Variants in OPCML observed in about 807,000 individuals in gnomAD.
OPCML encodes the protein opioid binding protein/cell adhesion molecule like.
In OPCML, 13 loss-of-function variants were observed where a neutral mutation model predicts 37.8. The observed-to-expected ratio is 0.34, with a 90% CI of 0.22 to 0.55. The LOEUF (loss-of-function observed/expected upper bound fraction) is 0.55. Among genes scored for constraint, OPCML ranks in the 20% least tolerant of loss-of-function variants. The pLI is 0.91. For synonymous variants in OPCML, 176 were observed against 168.8 expected, an observed-to-expected ratio of 1.04 and a Z score of -0.33; for missense variants, 341 against 435.6, an observed-to-expected ratio of 0.78 and a Z score of 1.93.
intron 4 of OPCML, among the ~76,000 whole-genome samples, chr11:132,488,167 C>T (rs1280858770): frequency 6.6e-6 from 1 of 152,218 alleles, no homozygotes; most frequent in Non-Finnish European, 1.5e-5. Context: ...AACACCTACC[C>T]TTCTAAGAGG....
chr11:132,570,415 A>C (rs1048997684), intron 3 of OPCML, among the ~76,000 whole-genome samples: 1 of 152,094 alleles, frequency 6.6e-6, no homozygotes, highest in African/African-American at 2.4e-5. Context: ...TTGTGAGGAC[A>C]TGAGGGTTTA....
intron 1 of OPCML, among the ~76,000 whole-genome samples, chr11:133,143,457 T>C (rs921205704): frequency 1.3e-5 from 2 of 152,136 alleles, no homozygotes; most frequent in Non-Finnish European, 2.9e-5. Flanking sequence ...ATGAAAGAAG[T>C]CTGGGTCCCA....
intron 1 of OPCML, among the ~76,000 whole-genome samples, chr11:132,948,755 T>C (rs1025166972): frequency 8.5e-5 from 13 of 152,142 alleles, no homozygotes; most frequent in African/African-American, 3.1e-4. Context: ...ACTGGAAAAT[T>C]TAATAATCAT....
At chr11:132,730,547 G>A (rs1945042818) in intron 2 of OPCML, among the ~76,000 whole-genome samples, 1 of 152,170 alleles carries the variant, frequency 6.6e-6, no homozygotes, top group Non-Finnish European at 1.5e-5. Flanking sequence ...AACTCAGGAA[G>A]ATAACCCCCT....
At chr11:133,078,849 C>T (rs1948664995) in intron 1 of OPCML, among the ~76,000 whole-genome samples, 1 of 152,184 alleles carries the variant, frequency 6.6e-6, no homozygotes, top group Non-Finnish European at 1.5e-5. Context: ...CCCCCAACTA[C>T]CACCTTCATA....
intron 1 of OPCML, among the ~76,000 whole-genome samples, chr11:133,434,892 T>A (rs1051942761): frequency 1.0e-4 from 15 of 149,112 alleles, no homozygotes; most frequent in Non-Finnish European, 1.8e-4. Flanking sequence ...ACATACTTTT[T>A]AAAATAACAT....
At chr11:133,038,068 C>A (rs1043202178) in intron 1 of OPCML, among the ~76,000 whole-genome samples, 1 of 152,224 alleles carries the variant, frequency 6.6e-6, no homozygotes, top group African/African-American at 2.4e-5. Flanking sequence ...GAGACCTTTC[C>A]ACTCTTGGCC....
At chr11:132,423,256 A>G (rs2095966327) in intron 7 of OPCML, among the ~76,000 whole-genome samples, 1 of 152,196 alleles carries the variant, frequency 6.6e-6, no homozygotes, top group Non-Finnish European at 1.5e-5. Context: ...AGCAGCTATG[A>G]TGAGCACCTG....
intron 2 of OPCML, among the ~76,000 whole-genome samples, chr11:132,683,782 T>C (rs1238286561): frequency 6.6e-6 from 1 of 152,172 alleles, no homozygotes; most frequent in African/African-American, 2.4e-5. Flanking sequence ...CTTGTGTACA[T>C]ACAAAGCAGG....
At chr11:132,932,446 G>T (rs1591819192) in intron 2 of OPCML, among the ~76,000 whole-genome samples, 1 of 152,038 alleles carries the variant, frequency 6.6e-6, no homozygotes, top group African/African-American at 2.4e-5. Context: ...CCCTAACAGG[G>T]TGCGTTTTAC....
At chr11:133,273,730 G>A (rs1274684649) in intron 1 of OPCML, among the ~76,000 whole-genome samples, 1 of 152,092 alleles carries the variant, frequency 6.6e-6, no homozygotes, top group Non-Finnish European at 1.5e-5. Flanking sequence ...CTAAAATGGG[G>A]GCCACTTCCT....
intron 1 of OPCML, among the ~76,000 whole-genome samples, chr11:133,407,973 C>T (rs763033880): frequency 6.6e-6 from 1 of 152,176 alleles, no homozygotes; most frequent in Non-Finnish European, 1.5e-5. Context: ...GGGAGCTGTA[C>T]ATCCACTGTT....
At chr11:133,481,898 G>A (rs188523323) in intron 1 of OPCML, among the ~76,000 whole-genome samples, 30 of 152,290 alleles carry the variant, frequency 2.0e-4, no homozygotes, top group East Asian at 1.7e-3. Flanking sequence ...AAAATGGACC[G>A]ACCTAAAGGT....
intron 2 of OPCML, among the ~76,000 whole-genome samples, chr11:132,878,197 A>T (rs2136419467): frequency 6.7e-6 from 1 of 150,234 alleles, no homozygotes; most frequent in Non-Finnish European, 1.5e-5. Context: ...AAAAAAAATT[A>T]TATTGGCTGG....
At chr11:132,768,240 T>G (rs1946522417) in intron 2 of OPCML, among the ~76,000 whole-genome samples, 1 of 152,194 alleles carries the variant, frequency 6.6e-6, no homozygotes, top group Non-Finnish European at 1.5e-5. Flanking sequence ...CCCAGTTCCC[T>G]ACAGCTCCAC....
rs574200713 is a variant in OPCML at position 132,796,640 on chromosome 11, C to G, written c.147-139321G>C. Among the ~76,000 whole-genome samples the G allele has an allele frequency of 8.9e-4, 122 of 137,440 alleles. 1 individual carries two copies. The highest frequency in any genetic ancestry group is 3.2e-3 in the African/African-American group (117 of 36,970). 90.2% of individuals were successfully genotyped at this position (137,440 alleles called of 152,430 possible). A position where few individuals can be genotyped will look rare whatever the true frequency, so the allele number is the denominator to read the frequency against. On this transcript the variant is annotated intron_variant, in intron 2 of 7. Coordinates refer to ENST00000524381, the MANE Select transcript of OPCML (RefSeq NM_001012393.5). ...CCAGTCTGGAGTGCAGTGGCACGATCTCGGCTCACTGCAAGCTCCGCCTCC... is the reference window on the plus strand; with the variant it reads ...CCAGTCTGGAGTGCAGTGGCACGATGTCGGCTCACTGCAAGCTCCGCCTCC...
chr11:133,002,061 G>A (rs1468106735), intron 1 of OPCML, among the ~76,000 whole-genome samples: 5 of 152,090 alleles, frequency 3.3e-5, no homozygotes, highest in African/African-American at 9.7e-5. Flanking sequence ...TAGGTCAGAT[G>A]GTTAGACTGG....
rs1945338029 is a variant in OPCML at position 132,738,733 on chromosome 11, T to C, written c.147-81414A>G. ...TGAAAACACAAGACTCATCCTTTAT[T>C]GAAAGTTGTTTGTTTTAAGTCTCTT... On this transcript the variant is annotated intron_variant, in intron 2 of 7. Transcript: ENST00000524381. Among the ~76,000 whole-genome samples the C allele has an allele frequency of 3.3e-5, 5 of 152,332 alleles. 1 individual carries two copies. The South Asian group carries it at 1.0e-3, about 32-fold the overall frequency.
intron 4 of OPCML, among the ~76,000 whole-genome samples, chr11:132,511,809 AC>A (rs1246382173): frequency 2.1e-4 from 30 of 144,148 alleles, no homozygotes; most frequent in Non-Finnish European, 4.2e-4. Context: ...TAGAAAAAAA[AC>A]ATAGAATATA....
Sources: allele counts gnomAD v4.1 joint callset (sites outside exome capture counted in the v4.1 genomes callset), GRCh38; gene constraint gnomAD v4.1.1; transcripts MANE v1.5; gene names NCBI Gene and HGNC (gene_info 2026-07-23, HGNC 2026-07-21).